Variants in CSGALNACT1 observed in about 807,000 individuals in gnomAD.
CSGALNACT1 encodes beta4GalNAcT-1.
A neutral mutation model predicts 51.0 loss-of-function variants in CSGALNACT1; 52 were observed. The observed-to-expected ratio is 1.02, with a 90% CI of 0.82 to 1.29. CSGALNACT1 has a LOEUF of 1.29. CSGALNACT1 is among the 50% of genes most tolerant of loss of function. The pLI is 0.00. For synonymous variants in CSGALNACT1, 341 were observed against 254.4 expected (o/e 1.34, Z -3.24); for missense variants, 935 against 679.2 (o/e 1.38, Z -4.19).
intron 1 of CSGALNACT1, among the ~76,000 whole-genome samples, chr8:19,703,200 C>T (rs2061976099): frequency 6.6e-6 from 1 of 152,140 alleles, no homozygotes; most frequent in Non-Finnish European, 1.5e-5. Context: ...AGACCCATGG[C>T]AGCTCAGCCC....
At chr8:19,699,029 G>C (rs1277566034) in intron 1 of CSGALNACT1, among the ~76,000 whole-genome samples, 1 of 152,046 alleles carries the variant, frequency 6.6e-6, no homozygotes, top group African/African-American at 2.4e-5. Flanking sequence ...GCAGTGTATT[G>C]CTTTTTTCTT....
At chr8:19,490,701 G>A (rs528620251) in intron 4 of CSGALNACT1, among the ~76,000 whole-genome samples, 6 of 152,130 alleles carry the variant, frequency 3.9e-5, no homozygotes, top group Non-Finnish European at 8.8e-5. Flanking sequence ...ACACAATGAG[G>A]CTTTGCTGTA....
intron 4 of CSGALNACT1, among the ~76,000 whole-genome samples, chr8:19,474,508 T>C (rs909396824): frequency 1.3e-5 from 2 of 151,932 alleles, no homozygotes; most frequent in African/African-American, 4.8e-5. Flanking sequence ...CAGATGATAG[T>C]GAATGGAGAG....
intron 3 of CSGALNACT1, among the ~76,000 whole-genome samples, chr8:19,532,713 G>A (rs1017657013): frequency 6.6e-6 from 1 of 152,168 alleles, no homozygotes; most frequent in African/African-American, 2.4e-5. Flanking sequence ...TGCCTGAAGA[G>A]GTAGTGAGCT....
chr8:19,442,385 A>G (rs2061454984), intron 5 of CSGALNACT1, among the ~76,000 whole-genome samples: 1 of 152,222 alleles, frequency 6.6e-6, no homozygotes, highest in African/African-American at 2.4e-5. Flanking sequence ...AATACTATGC[A>G]GCCATAAAAA....
chr8:19,425,663 T>C (rs2058663394), intron 6 of CSGALNACT1, among the ~76,000 whole-genome samples: 1 of 152,158 alleles, frequency 6.6e-6, no homozygotes, highest in South Asian at 2.1e-4. Context: ...AAGCAGAGGT[T>C]GCAGATGCTC....
intron 1 of CSGALNACT1, among the ~76,000 whole-genome samples, chr8:19,706,573 A>C (rs1211861566): frequency 1.3e-5 from 2 of 152,200 alleles, no homozygotes; most frequent in African/African-American, 4.8e-5. Flanking sequence ...TCCAACCACA[A>C]GGGAAGAAGA....
intron 1 of CSGALNACT1, among the ~76,000 whole-genome samples, chr8:19,659,828 C>A (rs1253324059): frequency 6.6e-6 from 1 of 152,222 alleles, no homozygotes; most frequent in East Asian, 1.9e-4. Flanking sequence ...TCCAGCAGTG[C>A]ATCTCCCAGG....
chr8:19,545,691 G>A (rs906487436), intron 3 of CSGALNACT1, among the ~76,000 whole-genome samples: 2 of 151,776 alleles, frequency 1.3e-5, no homozygotes, highest in African/African-American at 2.4e-5. Flanking sequence ...TGGTTAATGC[G>A]AAACTATAAC....
intron 1 of CSGALNACT1, among the ~76,000 whole-genome samples, chr8:19,664,646 AACAC>A (rs34245346): frequency 0.064 from 9,573 of 150,672 alleles, 336 homozygotes; most frequent in African/African-American, 0.11. Context: ...CAAACACACA[AACAC>A]ACACACACAC....
rs1000225689 is a variant in CSGALNACT1, at chr8:19,532,650, T to C, written c.-296-26520A>G. 3.9e-5 allele frequency among the ~76,000 whole-genome samples: 6 copies of C among 152,184 alleles called. No homozygotes were observed. In the East Asian group the frequency reaches 1.2e-3, roughly 29 times the overall value. ...CTAATGTGGCCCTCTCCCTGCCTTC[T>C]AGCCTTGGCTCCTACCATATTCCAG... On this transcript the variant is annotated intron_variant, in intron 3 of 9. Transcript: ENST00000454498.
chr8:19,675,393 T>C (rs982513764), intron 1 of CSGALNACT1, among the ~76,000 whole-genome samples: 2 of 152,132 alleles, frequency 1.3e-5, no homozygotes, highest in Non-Finnish European at 2.9e-5. Context: ...AGATAAATCT[T>C]ACAGAAATCA....
intron 3 of CSGALNACT1, among the ~76,000 whole-genome samples, chr8:19,557,572 T>C (rs1247657168): frequency 6.6e-6 from 1 of 152,164 alleles, no homozygotes; most frequent in African/African-American, 2.4e-5. Context: ...CCAGCATTTG[T>C]ACTTTCTCTT....
intron 3 of CSGALNACT1, among the ~76,000 whole-genome samples, chr8:19,518,888 C>T (rs929798221): frequency 7.9e-5 from 12 of 152,094 alleles, no homozygotes; most frequent in African/African-American, 2.4e-5. Flanking sequence ...GCTCCATTAG[C>T]GAAACAGGCT....
chr8:19,562,139 C>T (rs935427599), intron 3 of CSGALNACT1, among the ~76,000 whole-genome samples: 1 of 152,138 alleles, frequency 6.6e-6, no homozygotes, highest in Non-Finnish European at 1.5e-5. Flanking sequence ...CCCCCACAGA[C>T]CCCCCACAGC....
intron 1 of CSGALNACT1, among the ~76,000 whole-genome samples, 192 bp downstream of exon 1, chr8:19,756,994 C>A (rs2065434205): frequency 1.5e-5 from 1 of 64,802 alleles, no homozygotes; most frequent in Non-Finnish European, 3.5e-5. Context: ...TGCCCGTGCC[C>A]TGGGCCCCCG....
intron 1 of CSGALNACT1, among the ~76,000 whole-genome samples, chr8:19,637,844 T>TG (rs1215342222): frequency 1.3e-5 from 2 of 151,664 alleles, no homozygotes; most frequent in African/African-American, 4.8e-5. Context: ...GACCAGTTTT[T>TG]TTTTTTTTTT....
intron 3 of CSGALNACT1, among the ~76,000 whole-genome samples, chr8:19,582,714 T>C (rs1417413592): frequency 6.6e-5 from 10 of 152,120 alleles, no homozygotes; most frequent in African/African-American, 2.4e-4. Flanking sequence ...TTTATCATTG[T>C]CTAAAAAGGA....
At chr8:19,741,235 C>G (rs28654400) in intron 1 of CSGALNACT1, among the ~76,000 whole-genome samples, 3,099 of 152,224 alleles carry the variant, frequency 0.02, 105 homozygotes, top group African/African-American at 0.071. Context: ...CCAGAGCTCC[C>G]TATAGTAGGA....
Sources: allele counts gnomAD v4.1 joint callset (sites outside exome capture counted in the v4.1 genomes callset), GRCh38; gene constraint gnomAD v4.1.1; transcripts MANE v1.5; gene names NCBI Gene and HGNC (gene_info 2026-07-23, HGNC 2026-07-21).